The following ANO6 variants were observed in gnomAD, a reference collection of about 807,000 sequenced individuals.
ANO6 encodes anoctamin 6, also known as anoctamin-6.
In ANO6, 106 loss-of-function variants were observed where a neutral mutation model predicts 117.5. The ratio of observed to expected loss-of-function variants is 0.90; its 90% CI spans 0.77 to 1.06. The LOEUF (loss-of-function observed/expected upper bound fraction) is 1.06. Among genes scored for constraint, ANO6 ranks in the 50% least tolerant of loss-of-function variants. The probability of loss-of-function intolerance (pLI) is 0.00; values close to 1 mark genes in which losing one functional copy is unlikely to be tolerated. For missense variants in ANO6, 955 were observed against 1,121.1 expected (o/e 0.85, Z 2.12); for synonymous variants, 367 against 385.1 (o/e 0.95, Z 0.55).
In ANO6 at chr12:45,423,087, GT is replaced by G. The variant is rs746318213; in HGVS notation, c.2526+28del. ...GGTAGGAAAAGTATGCTTTCAAACA[GT>G]TTATAAGGATGTGTATTTGCAGACC... is the stretch of plus-strand genomic sequence containing the variant. On this transcript the variant is annotated intron_variant, in intron 19 of 19. Transcript: ENST00000320560. 1.9e-6 allele frequency: 3 copies of G among 1,545,056 alleles called. No homozygotes were observed. In the South Asian group the frequency reaches 3.3e-5, roughly 17 times the overall value.
At chr12:45,257,520 C>T (rs1242315644) in intron 1 of ANO6, among the ~76,000 whole-genome samples, 1 of 152,146 alleles carries the variant, frequency 6.6e-6, no homozygotes, top group Non-Finnish European at 1.5e-5. Context: ...GAATGGCATC[C>T]CCATTTCACC....
intron 1 of ANO6, among the ~76,000 whole-genome samples, chr12:45,249,719 ATG>A (rs1244714667): frequency 6.6e-6 from 1 of 152,212 alleles, no homozygotes; most frequent in Admixed American, 6.5e-5. Flanking sequence ...CTGGATGAAA[ATG>A]TTAGACACTG....
In ANO6 at chr12:45,219,014, G is replaced by C. The variant is rs61923825; in HGVS notation, c.70+2623G>C. Among the ~76,000 whole-genome samples the C allele has an allele frequency of 7.2e-5, 11 of 152,004 alleles. 1 individual carries two copies. The East Asian group carries it at 2.1e-3, about 29-fold the overall frequency. On this transcript the variant is annotated intron_variant, in intron 1 of 19. Transcript: ENST00000320560. The stretch of plus-strand genomic sequence containing the variant: ...GAGTGTAGTGGCAAGATCATAGTTC[G>C]CTGCAGTCTTGAACTCCTGGCCTCT...
In ANO6 at chr12:45,390,470, C is replaced by A. The variant is rs1446727751; in HGVS notation, c.1358C>A (p.Thr453Asn). The A allele has an allele frequency of 1.2e-6, 2 of 1,613,796 alleles. No homozygotes were observed. The highest frequency in any genetic ancestry group is 8.5e-7 in the Non-Finnish European group (1 of 1,179,872). ...GCCTGGGGAAAATGTATACGGATAA[C>A]CCTCTGTGCCAGTGCTGTCTTTTTC... ...FTAWGKCIRI[T>N]LCASAVFFWI... The change falls in exon 12 of 20, where the codon ACC (threonine) becomes AAC (asparagine). Residue 453 changes from threonine (T) to asparagine (N), a missense_variant. Coordinates refer to ENST00000320560, the MANE Select transcript of ANO6 (RefSeq NM_001025356.3).
At chr12:45,437,135 G>A (rs546661315), downstream of ANO6, among the ~76,000 whole-genome samples, 6 of 152,336 alleles carry the variant, frequency 3.9e-5, no homozygotes, top group Middle Eastern at 3.4e-3. Context: ...TCAAAGTGTG[G>A]TCTAGATTCC....
At chr12:45,317,696 C>T (rs1940098354) in intron 2 of ANO6, among the ~76,000 whole-genome samples, 1 of 152,156 alleles carries the variant, frequency 6.6e-6, no homozygotes, top group Admixed American at 6.5e-5. Flanking sequence ...GGAATCGCCA[C>T]ACTGACTTCC....
intron 19 of ANO6, among the ~76,000 whole-genome samples, chr12:45,438,716 T>C (rs1355174457): frequency 2.0e-5 from 3 of 152,156 alleles, no homozygotes; most frequent in Non-Finnish European, 4.4e-5. Flanking sequence ...GGATATCAAA[T>C]AAGGGATATT....
chr12:45,408,710 C>A (rs12809717), intron 15 of ANO6, among the ~76,000 whole-genome samples: 19,787 of 151,936 alleles, frequency 0.13, 1,754 homozygotes, highest in East Asian at 0.46. Flanking sequence ...CATTTCCCTC[C>A]GAGGAAAAAA....
At chr12:45,436,305 CTG>C (rs1427277991), downstream of ANO6, among the ~76,000 whole-genome samples, 1 of 152,228 alleles carries the variant, frequency 6.6e-6, no homozygotes, top group Non-Finnish European at 1.5e-5. Flanking sequence ...CTTTGAGTCT[CTG>C]TCAAAACACA....
chr12:45,317,548 T>A (rs1940092841), intron 2 of ANO6, among the ~76,000 whole-genome samples: 1 of 151,832 alleles, frequency 6.6e-6, no homozygotes, highest in Non-Finnish European at 1.5e-5. Context: ...TGGTTCCAAG[T>A]CTTTGCTATT....
chr12:45,387,688 G>A (rs1029964449), intron 10 of ANO6, among the ~76,000 whole-genome samples: 6 of 152,012 alleles, frequency 3.9e-5, no homozygotes, highest in Middle Eastern at 3.2e-3. Context: ...GATTTGATTT[G>A]CCATATACAA....
At chr12:45,242,876 CTT>C (rs1359570447) in intron 1 of ANO6, among the ~76,000 whole-genome samples, 1 of 152,086 alleles carries the variant, frequency 6.6e-6, no homozygotes, top group East Asian at 1.9e-4. Flanking sequence ...TGACTACTGA[CTT>C]TTAATCTGCA....
In ANO6 at chr12:45,421,099, T is replaced by C. The variant is rs749585156; in HGVS notation, c.2246T>C (p.Met749Thr). The change falls in exon 18 of 20, where the codon ATG becomes ACG. Residue 749 changes from methionine to threonine, a missense_variant. By Grantham distance (81) the Met-to-Thr change is moderately conservative. Coordinates refer to ENST00000320560, the MANE Select transcript of ANO6 (RefSeq NM_001025356.3). Reference protein sequence around the residue: ...NAMIIAFTSDMIPRLVYYWSF... With the variant: ...NAMIIAFTSDTIPRLVYYWSF... The stretch of plus-strand genomic sequence containing the variant: ...ATGATCATAGCTTTCACGTCGGACA[T>C]GATCCCCCGCCTAGTGTACTACTGG... 1.2e-6 allele frequency: 2 copies of C among 1,614,118 alleles called. No individual in the cohort carries two copies. The highest frequency in any genetic ancestry group is 1.7e-5 in the Admixed American group (1 of 60,006).
intron 10 of ANO6, among the ~76,000 whole-genome samples, chr12:45,380,986 A>C (rs960144415): frequency 6.6e-6 from 1 of 152,118 alleles, no homozygotes; most frequent in African/African-American, 2.4e-5. Flanking sequence ...GTTGCAATAA[A>C]GGCTGAGGAA....
At chr12:45,389,285 T>G (rs1942379626) in intron 11 of ANO6, among the ~76,000 whole-genome samples, 1 of 152,106 alleles carries the variant, frequency 6.6e-6, no homozygotes, top group African/African-American at 2.4e-5. Flanking sequence ...CTTCAAATAA[T>G]CCCCATTATG....
At chr12:45,368,522 A>G (rs1345599432) in intron 9 of ANO6, among the ~76,000 whole-genome samples, 1 of 152,224 alleles carries the variant, frequency 6.6e-6, no homozygotes, top group Non-Finnish European at 1.5e-5. Flanking sequence ...AGCTCTCCTT[A>G]TACATGCAGA....
downstream of ANO6, among the ~76,000 whole-genome samples, chr12:45,433,905 A>G (rs1355866689): frequency 6.6e-6 from 1 of 152,164 alleles, no homozygotes; most frequent in Non-Finnish European, 1.5e-5. Flanking sequence ...TCCTTTGGTT[A>G]TGAAACAGAT....
chr12:45,247,476 T>C (rs1305957880), intron 1 of ANO6, among the ~76,000 whole-genome samples: 3 of 152,352 alleles, frequency 2.0e-5, no homozygotes, highest in Non-Finnish European at 4.4e-5. Flanking sequence ...AGCAATCAGA[T>C]GGTTATGGCA....
At chr12:45,409,026 G>A (rs1005640280) in intron 15 of ANO6, among the ~76,000 whole-genome samples, 3 of 152,118 alleles carry the variant, frequency 2.0e-5, no homozygotes, top group African/African-American at 7.2e-5. Flanking sequence ...ATACTGGCAA[G>A]ACTATTTTGA....
Sources: allele counts gnomAD v4.1 joint callset (sites outside exome capture counted in the v4.1 genomes callset), GRCh38; gene constraint gnomAD v4.1.1; transcripts MANE v1.5; gene names NCBI Gene and HGNC (gene_info 2026-07-23, HGNC 2026-07-21).